TTLL4: variants seen among roughly 807,000 people sequenced by gnomAD.
The protein encoded by TTLL4 is tubulin tyrosine ligase like 4.
In TTLL4, 85 loss-of-function variants were observed where a neutral mutation model predicts 122.7. The observed-to-expected ratio is 0.69, with a 90% CI of 0.58 to 0.83. The LOEUF (loss-of-function observed/expected upper bound fraction) is 0.83, where lower values mean the gene tolerates loss of function less well. Ranked by LOEUF, TTLL4 falls within the 40% of genes least tolerant of loss-of-function variation. TTLL4 has a pLI of 0.00. For synonymous variants in TTLL4, 553 were observed against 563.0 expected (o/e 0.98, Z 0.25); for missense variants, 1,363 against 1,488.6 (o/e 0.92, Z 1.39).
rs201643379 is a variant in TTLL4, at chr2:218,748,902, G to T, written c.2568G>T (p.Lys856Asn). The T allele has an allele frequency of 1.9e-6, 3 of 1,614,112 alleles. No homozygotes were observed. Among genetic ancestry groups the T allele is most frequent in the Admixed American group, 1.7e-5 (1 of 60,012 alleles). ...KGVNSDAIWE[K>N]IKDVVVKTII... ...TCAATAGCGACGCCATCTGGGAGAA[G>T]ATAAAGGATGTTGTTGTCAAAACTA... Residue 856 changes from lysine to asparagine, a missense_variant, in exon 13 of 20, where the codon AAG becomes AAT. By Grantham distance (94) the Lys-to-Asn change is moderately conservative. Around this residue, in one of 3 missense-constraint regions of TTLL4, gnomAD observed 596 missense variants for 655.8 expected, o/e 0.91. Coordinates refer to ENST00000392102, the MANE Select transcript of TTLL4 (RefSeq NM_014640.5).
chr2:218,732,317 T>G (rs1480303048), intron 2 of TTLL4, among the ~76,000 whole-genome samples: 1 of 152,218 alleles, frequency 6.6e-6, no homozygotes, highest in Non-Finnish European at 1.5e-5. Context: ...CCTTTTCTCC[T>G]GTTGTCTTTC....
In TTLL4 at chr2:218,738,752, AACAGTCT is replaced by A. The variant is rs761759129; in HGVS notation, c.1078_1084del (p.Gln360ValfsTer3). ...ATGCCGAGGCAAGGCTGCCAGCTTG[AACAGTCT>A]AGTTTCCTGAACCCCAGCTTCCAGT... On this transcript the variant is annotated frameshift_variant, in exon 3 of 20. Coordinates refer to ENST00000392102, the MANE Select transcript of TTLL4 (RefSeq NM_014640.5). LOFTEE classifies it high-confidence loss of function. The A allele has an allele frequency of 2.8e-5, 45 of 1,614,034 alleles. No homozygotes were observed. The highest frequency in any genetic ancestry group is 3.3e-5 in the Non-Finnish European group (39 of 1,180,046).
At chr2:218,759,070 C>T (rs900063086), downstream of TTLL4, among the ~76,000 whole-genome samples, 5 of 151,608 alleles carry the variant, frequency 3.3e-5, no homozygotes, top group East Asian at 1.9e-4. Flanking sequence ...CATGGAGAAA[C>T]GCCATCTCTA....
intron 13 of TTLL4, 103 bp from the exon 14 acceptor site, chr2:218,749,150 T>A (rs1202629473): frequency 1.3e-6 from 2 of 1,516,250 alleles, no homozygotes; most frequent in Non-Finnish European, 1.8e-6. Context: ...TTTCCTGGGT[T>A]GCTTCTGCCT....
intron 1 of TTLL4, among the ~76,000 whole-genome samples, chr2:218,712,295 G>A (rs1941732297): frequency 1.3e-5 from 2 of 152,180 alleles, no homozygotes; most frequent in East Asian, 3.8e-4. Flanking sequence ...TGGTTTTCAA[G>A]CTGGAGTAAT....
In TTLL4 at chr2:218,747,149, C is replaced by G; in HGVS notation, c.2121C>G (p.Arg707=). 6.2e-7 allele frequency: 1 copy of G among 1,614,228 alleles called. No homozygotes were observed. Residue 707 remains arginine, a synonymous_variant, in exon 9 of 20, where the codon CGC becomes CGG. Coordinates refer to ENST00000392102, the MANE Select transcript of TTLL4 (RefSeq NM_014640.5). This position sits in a 1 kb window ranked among gnomAD's most constrained non-coding sequence, Gnocchi z 4.7. ...TGCCCCAGGACGCCAAGCTCCTGCG[C>G]AAAGCGTGGGAGAGCAGCAGCCGCC... The part of the protein sequence containing the change: ...FILPQDAKLL[R]KAWESSSRQK...
intron 1 of TTLL4, among the ~76,000 whole-genome samples, chr2:218,714,912 AATATT>A (rs3078318): frequency 0.06 from 9,160 of 152,166 alleles, 911 homozygotes; most frequent in African/African-American, 0.21. Context: ...CCTATATTTT[AATATT>A]ATATTAGGAA....
intron 13 of TTLL4, 59 bp from the exon 14 acceptor site, chr2:218,749,194 C>T: frequency 6.3e-7 from 1 of 1,599,826 alleles, no homozygotes; most frequent in South Asian, 1.1e-5. Flanking sequence ...GGCAGGATAG[C>T]TCTGAGTAGA....
intron 1 of TTLL4, among the ~76,000 whole-genome samples, chr2:218,726,008 G>A (rs1942181560): frequency 6.6e-6 from 1 of 152,064 alleles, no homozygotes; most frequent in South Asian, 2.1e-4. Flanking sequence ...TTTACTAGTG[G>A]ATTTTATGCC....
chr2:218,736,672 T>G (rs1430253498), intron 2 of TTLL4, among the ~76,000 whole-genome samples: 1 of 152,172 alleles, frequency 6.6e-6, no homozygotes, highest in African/African-American at 2.4e-5. Flanking sequence ...AATTTAAATC[T>G]GTATAGTTAG....
At position 218,748,106 on chromosome 2, in the gene TTLL4, T is replaced by C. The variant is rs754581382; in HGVS notation, c.2380T>C (p.Tyr794His). The change falls in exon 12 of 20, where the codon TAT becomes CAT. Residue 794 changes from tyrosine (Y) to histidine (H), a missense_variant and splice_region_variant. By Grantham distance (83) the Tyr-to-His change is moderately conservative. Coordinates refer to ENST00000392102, the MANE Select transcript of TTLL4 (RefSeq NM_014640.5). ...DGLVRFASCK[Y>H]SPSMKSLGNK... ...TGCCTTTTGTTTCCTTACTTCCAGGTATTCGCCTTCCATGAAGAGCCTTGG... is the reference window on the plus strand; with the variant it reads ...TGCCTTTTGTTTCCTTACTTCCAGGCATTCGCCTTCCATGAAGAGCCTTGG... 1.9e-6 allele frequency: 3 copies of C among 1,614,130 alleles called. No homozygotes were observed. The highest frequency in any genetic ancestry group is 2.5e-6 in the Non-Finnish European group (3 of 1,180,008).
chr2:218,738,856 G>A lies in TTLL4; in HGVS notation c.1180G>A (p.Gly394Arg). 6.2e-7 allele frequency: 1 copy of A among 1,614,222 alleles called. No homozygotes were observed. The highest frequency in any genetic ancestry group is 8.5e-7 in the Non-Finnish European group (1 of 1,180,046). The stretch of plus-strand genomic sequence containing the variant: ...TCAGCAGTTTCCTCAGGAGGATGCT[G>A]GATCGGTCAGGCGGGTCCTCCCTGG... Reference protein sequence around the residue: ...VNQQFPQEDAGSVRRVLPGAS... With the variant: ...VNQQFPQEDARSVRRVLPGAS... Residue 394 changes from glycine (G) to arginine (R), a missense_variant, in exon 3 of 20, where the codon GGA (glycine) becomes AGA (arginine). By Grantham distance (125) the Gly-to-Arg change is moderately radical. This residue lies in a region of TTLL4 where 760 missense variants were observed against 808.4 expected (regional missense o/e 0.94). Coordinates refer to ENST00000392102, the MANE Select transcript of TTLL4 (RefSeq NM_014640.5).
intron 2 of TTLL4, among the ~76,000 whole-genome samples, chr2:218,736,137 G>C (rs1464736245): frequency 6.8e-6 from 1 of 147,842 alleles, no homozygotes; most frequent in Non-Finnish European, 1.5e-5. Context: ...ACCATACCTG[G>C]CTGATTTTTG....
chr2:218,721,466 GCCCTTAA>G (rs1942038111), intron 1 of TTLL4, among the ~76,000 whole-genome samples: 1 of 152,186 alleles, frequency 6.6e-6, no homozygotes, highest in South Asian at 2.1e-4. Flanking sequence ...GTGGTACTGA[GCCCTTAA>G]CCTGTGAGAT....
intron 15 of TTLL4, 171 bp from the exon 16 acceptor site, chr2:218,751,533 G>T: frequency 1.2e-6 from 1 of 842,266 alleles, no homozygotes; most frequent in Non-Finnish European, 1.4e-6. Context: ...TGACTCTCAG[G>T]TTACTTCTGG....
Position 218,747,011 on chromosome 2 carries a change from T to C in TTLL4, c.1983T>C (p.His661=), listed in dbSNP as rs1244950780. The C allele has an allele frequency of 6.2e-7, 1 of 1,614,144 alleles. No individual in the cohort carries two copies. ...CCTTTTCCCTTTTGTAGCTAAACCA[T>C]TTCCCAGGCTCATTCCAGATTGGGA... ...RSIREHQKLN[H]FPGSFQIGRK... The change falls in exon 9 of 20, where the codon CAT becomes CAC. Residue 661 remains histidine, a synonymous_variant. Coordinates refer to ENST00000392102, the MANE Select transcript of TTLL4 (RefSeq NM_014640.5). This position sits in a 1 kb window ranked among gnomAD's most constrained non-coding sequence, Gnocchi z 4.7.
In TTLL4 at chr2:218,742,178, C is replaced by T. The variant is rs1942721136; in HGVS notation, c.1661+1594C>T. ...GTGGGGGAAGGTCTCATTATATTAC[C>T]CAGGCTTGTCTTGAACTCTGGCCTC... On this transcript the variant is annotated intron_variant, in intron 5 of 19. Coordinates refer to ENST00000392102, the MANE Select transcript of TTLL4 (RefSeq NM_014640.5). Among the ~76,000 whole-genome samples, 6 of 151,920 alleles carry T rather than the reference C, an allele frequency of 3.9e-5. No homozygotes were observed. The South Asian group carries it at 1.2e-3, about 32-fold the overall frequency.
At chr2:218,723,429 G>A (rs1307734449) in intron 1 of TTLL4, among the ~76,000 whole-genome samples, 2 of 152,188 alleles carry the variant, frequency 1.3e-5, no homozygotes, top group Non-Finnish European at 2.9e-5. Flanking sequence ...GTATGTTGAT[G>A]GGTCCTAGAG....
At position 218,730,519 on chromosome 2, in the gene TTLL4, A is replaced by G. The variant is rs563634884; in HGVS notation, c.-99+3172A>G. Among the ~76,000 whole-genome samples, 41 of 151,912 alleles carry G rather than the reference A, an allele frequency of 2.7e-4. No homozygotes were observed. In the South Asian group the frequency reaches 4.0e-3, roughly 15 times the overall value. ...CGAGACGCTGTCTCAAAGTAAATAA[A>G]TAAATAAATAAATAAAATAAAAAAG... On this transcript the variant is annotated intron_variant, in intron 2 of 19. Transcript: ENST00000392102.
Sources: gnomAD v4.1 joint callset for allele counts (sites outside exome capture counted in the v4.1 genomes callset) on GRCh38, gnomAD v4.1.1 for gene constraint, gnomAD v4.1.1 regional missense constraint, Gnocchi (gnomAD v3.1) non-coding constraint, MANE v1.5 for transcripts, NCBI Gene and HGNC (gene_info 2026-07-23, HGNC 2026-07-21) for gene names.